LRP1B: variants seen among roughly 807,000 people sequenced by gnomAD.
LRP1B encodes LDL receptor related protein 1B.
In LRP1B, 217 loss-of-function variants were observed where a neutral mutation model predicts 556.6. The observed-to-expected ratio is 0.39, with a 90% CI of 0.35 to 0.44. LRP1B has a LOEUF of 0.44. Among genes scored for constraint, LRP1B ranks in the 20% least tolerant of loss-of-function variants. The pLI is 1.00. For synonymous variants in LRP1B, 2,047 were observed against 1,865.8 expected (o/e 1.10, Z -2.50); for missense variants, 5,053 against 5,620.8 (o/e 0.90, Z 3.23).
chr2:141,519,359 T>TGA (rs1288004267), intron 2 of LRP1B, among the ~76,000 whole-genome samples: 4 of 57,302 alleles, frequency 7.0e-5, no homozygotes, highest in African/African-American at 2.7e-4. Context: ...CTTAAGTCAA[T>TGA]GATATATATA....
chr2:140,975,624 A>T (rs1280128114), intron 18 of LRP1B, among the ~76,000 whole-genome samples: 2 of 152,200 alleles, frequency 1.3e-5, no homozygotes, highest in African/African-American at 2.4e-5. Flanking sequence ...AAAAGTCACC[A>T]GACTCATTGT....
At chr2:141,535,778 GTTAATGACCCTTCAAAAGC>G (rs1229467092) in intron 2 of LRP1B, among the ~76,000 whole-genome samples, 2 of 151,976 alleles carry the variant, frequency 1.3e-5, no homozygotes, top group African/African-American at 4.8e-5. Flanking sequence ...GCCTATGAAG[GTTAATGACCCTTCAAAAGC>G]ATCTATTTTA....
chr2:141,367,551 C>G (rs535313375), intron 3 of LRP1B, among the ~76,000 whole-genome samples: 55 of 124,350 alleles, frequency 4.4e-4, no homozygotes, highest in African/African-American at 1.6e-3. Flanking sequence ...GGCAGGATCT[C>G]GGCTCATTGC....
chr2:140,438,999 A>G (rs893085632), intron 66 of LRP1B, among the ~76,000 whole-genome samples: 4 of 152,194 alleles, frequency 2.6e-5, no homozygotes, highest in Non-Finnish European at 5.9e-5. Context: ...TCTAAACTGT[A>G]AACTGGGGAG....
intron 3 of LRP1B, among the ~76,000 whole-genome samples, chr2:141,285,249 G>A (rs1449792977): frequency 2.0e-5 from 3 of 148,496 alleles, no homozygotes; most frequent in African/African-American, 4.9e-5. Flanking sequence ...CCACATGCCC[G>A]GCTAATTTTT....
At chr2:140,515,007 C>T (rs1342465154) in intron 50 of LRP1B, among the ~76,000 whole-genome samples, 1 of 151,864 alleles carries the variant, frequency 6.6e-6, no homozygotes, top group African/African-American at 2.4e-5. Flanking sequence ...ATAAGGCTTG[C>T]CTTTGAGGTA....
At chr2:141,579,068 A>G (rs1686861247) in intron 2 of LRP1B, among the ~76,000 whole-genome samples, 1 of 152,194 alleles carries the variant, frequency 6.6e-6, no homozygotes, top group South Asian at 2.1e-4. Flanking sequence ...ATTAACGAGA[A>G]ACAAACAAAA....
intron 1 of LRP1B, among the ~76,000 whole-genome samples, chr2:142,029,970 T>C (rs1459326367): frequency 6.6e-6 from 1 of 151,790 alleles, no homozygotes; most frequent in Non-Finnish European, 1.5e-5. Flanking sequence ...ACCTTAACTT[T>C]TTTTCTATCC....
intron 31 of LRP1B, among the ~76,000 whole-genome samples, chr2:140,827,803 TC>T (rs1691561049): frequency 6.6e-6 from 1 of 151,656 alleles, no homozygotes; most frequent in Non-Finnish European, 1.5e-5. Context: ...AATAAGACTA[TC>T]CCAAAGCATA....
chr2:140,571,601 A>T (rs1477849710), intron 43 of LRP1B, among the ~76,000 whole-genome samples: 3 of 144,146 alleles, frequency 2.1e-5, no homozygotes, highest in Admixed American at 7.2e-5. Flanking sequence ...TATAAATTCA[A>T]TGCAATCCCT....
intron 41 of LRP1B, among the ~76,000 whole-genome samples, chr2:140,698,979 G>T (rs2105416296): frequency 6.6e-6 from 1 of 152,088 alleles, no homozygotes; most frequent in Middle Eastern, 3.4e-3. Flanking sequence ...TGTAAGTACT[G>T]GGAAGCTGTC....
At chr2:141,598,797 G>C (rs1335593540) in intron 2 of LRP1B, among the ~76,000 whole-genome samples, 1 of 152,178 alleles carries the variant, frequency 6.6e-6, no homozygotes, top group East Asian at 1.9e-4. Context: ...TGCCATACAG[G>C]AGTGTACAGA....
At chr2:141,555,188 C>T (rs756817130) in intron 2 of LRP1B, among the ~76,000 whole-genome samples, 7 of 151,844 alleles carry the variant, frequency 4.6e-5, no homozygotes, top group African/African-American at 7.2e-5. Context: ...AACAAATAAA[C>T]AAACACCACT....
chr2:141,066,512 T>C (rs1029375274), intron 7 of LRP1B, among the ~76,000 whole-genome samples: 1 of 152,008 alleles, frequency 6.6e-6, no homozygotes, highest in Non-Finnish European at 1.5e-5. Flanking sequence ...CATACTGACA[T>C]CTTAAAGCAT....
At chr2:141,419,152 T>C (rs1373304699) in intron 3 of LRP1B, among the ~76,000 whole-genome samples, 1 of 152,244 alleles carries the variant, frequency 6.6e-6, no homozygotes, top group Non-Finnish European at 1.5e-5. Context: ...AATAGAAGAA[T>C]AACAGTGGGC....
intron 3 of LRP1B, among the ~76,000 whole-genome samples, chr2:141,295,227 TATC>T (rs1459921380): frequency 2.0e-5 from 3 of 152,194 alleles, no homozygotes; most frequent in African/African-American, 7.2e-5. Flanking sequence ...CCCCTTATAT[TATC>T]ATAAATTTAA....
chr2:141,433,086 T>C (rs1444890206), intron 3 of LRP1B, among the ~76,000 whole-genome samples: 1 of 152,104 alleles, frequency 6.6e-6, no homozygotes. Flanking sequence ...GTTTATGTTT[T>C]CATTTTCATT....
chr2:140,450,436 G>A (rs1191411891), intron 63 of LRP1B, 132 bp downstream of exon 63: 2 of 682,658 alleles, frequency 2.9e-6, no homozygotes, highest in African/African-American at 3.7e-5. Context: ...TTAAAGAATG[G>A]CATTTAAAAT....
intron 41 of LRP1B, among the ~76,000 whole-genome samples, chr2:140,647,204 C>A (rs1263253841): frequency 6.6e-6 from 1 of 151,988 alleles, no homozygotes; most frequent in Non-Finnish European, 1.5e-5. Context: ...TTTAAAAAAA[C>A]TTGAAATCTT....
Sources: gnomAD v4.1 joint callset for allele counts (sites outside exome capture counted in the v4.1 genomes callset) on GRCh38, gnomAD v4.1.1 for gene constraint, MANE v1.5 for transcripts, NCBI Gene and HGNC (gene_info 2026-07-23, HGNC 2026-07-21) for gene names.